WWTR1: variants seen among roughly 807,000 people sequenced by gnomAD.
WWTR1 encodes WW domain-containing transcription regulator protein 1.
A neutral mutation model predicts 40.1 loss-of-function variants in WWTR1; 13 were observed. The observed-to-expected ratio is 0.32, with a 90% CI of 0.21 to 0.52. WWTR1 has a LOEUF of 0.52. Among genes scored for constraint, WWTR1 ranks in the 20% least tolerant of loss-of-function variants. The pLI is 0.97. For synonymous variants in WWTR1, 230 were observed against 210.1 expected (o/e 1.09, Z -0.82); for missense variants, 436 against 523.1 (o/e 0.83, Z 1.63).
intron 1 of WWTR1, among the ~76,000 whole-genome samples, chr3:149,682,599 C>G (rs943315757): frequency 5.3e-5 from 8 of 152,176 alleles, no homozygotes; most frequent in Non-Finnish European, 1.2e-4. Context: ...ATTCAACATA[C>G]AATATCGAAT....
intron 3 of WWTR1, among the ~76,000 whole-genome samples, chr3:149,553,225 C>T (rs1736685357): frequency 6.6e-6 from 1 of 152,206 alleles, no homozygotes; most frequent in Non-Finnish European, 1.5e-5. Context: ...AATACTACAG[C>T]TGGCATCAGC....
At chr3:149,566,536 G>T (rs750036124) in intron 3 of WWTR1, among the ~76,000 whole-genome samples, 6 of 152,008 alleles carry the variant, frequency 3.9e-5, no homozygotes, top group Non-Finnish European at 7.4e-5. Context: ...TGTGTCTGCC[G>T]TGAACTCACC....
intron 2 of WWTR1, among the ~76,000 whole-genome samples, chr3:149,655,888 T>C (rs762695006): frequency 6.6e-6 from 1 of 152,192 alleles, no homozygotes; most frequent in Non-Finnish European, 1.5e-5. Context: ...TAAAGAAATA[T>C]GGGCTTTAAA....
intron 5 of WWTR1, among the ~76,000 whole-genome samples, chr3:149,713,411 C>T (rs555407849): frequency 6.6e-6 from 1 of 151,812 alleles, no homozygotes; most frequent in African/African-American, 2.4e-5. Context: ...GACGGCGTCT[C>T]GCTCTGTTGC....
chr3:149,648,036 T>C (rs1034765433), intron 2 of WWTR1, among the ~76,000 whole-genome samples: 1 of 152,154 alleles, frequency 6.6e-6, no homozygotes, highest in Non-Finnish European at 1.5e-5. Flanking sequence ...TCTCTTCCCA[T>C]CCTGTTTTTC....
chr3:149,572,806 A>G, intron 3 of WWTR1, 58 bp downstream of exon 3: 11 of 1,577,776 alleles, frequency 7.0e-6, no homozygotes, highest in Non-Finnish European at 9.5e-6. Flanking sequence ...ACAAAGGGAG[A>G]CCCCAACTCT....
chr3:149,574,662 A>C (rs1342271911), intron 2 of WWTR1, among the ~76,000 whole-genome samples: 1 of 152,110 alleles, frequency 6.6e-6, no homozygotes, highest in Non-Finnish European at 1.5e-5. Flanking sequence ...CCTCATTTTT[A>C]AATGCTTCCT....
At chr3:149,716,934 T>C (rs1715618753) in intron 5 of WWTR1, among the ~76,000 whole-genome samples, 1 of 152,154 alleles carries the variant, frequency 6.6e-6, no homozygotes. Flanking sequence ...CCTTGCACTT[T>C]GGGAAGCTGA....
At chr3:149,558,166 T>C (rs1394095702) in intron 3 of WWTR1, among the ~76,000 whole-genome samples, 3 of 152,126 alleles carry the variant, frequency 2.0e-5, no homozygotes, top group African/African-American at 4.8e-5. Context: ...GCAGTACACC[T>C]GCCAGTCTAG....
intron 3 of WWTR1, among the ~76,000 whole-genome samples, chr3:149,566,436 C>T (rs947431875): frequency 6.6e-6 from 1 of 151,946 alleles, no homozygotes; most frequent in Non-Finnish European, 1.5e-5. Flanking sequence ...GTGTATGTGC[C>T]GGTGCACTTT....
chr3:149,575,322 A>T (rs530686951), intron 2 of WWTR1, among the ~76,000 whole-genome samples: 6 of 152,310 alleles, frequency 3.9e-5, no homozygotes, highest in African/African-American at 1.4e-4. Flanking sequence ...ATTGATGAGG[A>T]TGTCAAAATT....
intron 4 of WWTR1, chr3:149,541,000 A>G (rs1010874397): frequency 4.4e-6 from 2 of 455,164 alleles, no homozygotes; most frequent in African/African-American, 2.0e-5. Context: ...GTAGCTTTAA[A>G]AAAACAGCAT....
intron 3 of WWTR1, among the ~76,000 whole-genome samples, chr3:149,547,777 C>T (rs1736431776): frequency 6.6e-6 from 1 of 151,430 alleles, no homozygotes; most frequent in Non-Finnish European, 1.5e-5. Context: ...AATTTAGATT[C>T]CCATTTATCT....
chr3:149,534,076 A>G (rs1407377434), intron 4 of WWTR1, among the ~76,000 whole-genome samples: 1 of 152,214 alleles, frequency 6.6e-6, no homozygotes, highest in African/African-American at 2.4e-5. Flanking sequence ...AGGCTGAGGC[A>G]GGAGAATTGC....
rs1245739216 is a variant in WWTR1, at chr3:149,688,711, ACCTAACT to A, written c.-108+14406_-108+14412del. Among the ~76,000 whole-genome samples the A allele has an allele frequency of 3.3e-5, 5 of 152,282 alleles. No individual in the cohort carries two copies. In the East Asian group the frequency reaches 7.7e-4, roughly 24 times the overall value. On this transcript the variant is annotated intron_variant, in intron 1 of 7. Transcript: ENST00000465804. The stretch of plus-strand genomic sequence containing the variant: ...CCACATTGTGAAGATTAGAATAAAT[ACCTAACT>A]CCTCAGTACCCAGACATTGATGAAT...
intron 3 of WWTR1, among the ~76,000 whole-genome samples, chr3:149,546,181 A>C (rs1318180987): frequency 6.6e-6 from 1 of 152,192 alleles, no homozygotes; most frequent in African/African-American, 2.4e-5. Flanking sequence ...CATTTAATTT[A>C]GATTTGATCT....
At chr3:149,681,607 G>T (rs922599047) in intron 1 of WWTR1, among the ~76,000 whole-genome samples, 1 of 152,104 alleles carries the variant, frequency 6.6e-6, no homozygotes, top group Non-Finnish European at 1.5e-5. Flanking sequence ...GGATCTCAAA[G>T]AAATATTTGC....
At chr3:149,657,718 G>C (rs1304616171) in intron 1 of WWTR1, 47 bp downstream of exon 1, 1 of 174,936 alleles carries the variant, frequency 5.7e-6, no homozygotes, top group Admixed American at 5.9e-5. Flanking sequence ...GGAGCCTGGA[G>C]CCCTGGAGTG....
intron 3 of WWTR1, among the ~76,000 whole-genome samples, chr3:149,572,070 G>C (rs1737658563): frequency 6.6e-6 from 1 of 152,042 alleles, no homozygotes; most frequent in Admixed American, 6.6e-5. Flanking sequence ...CGGCAGGTAT[G>C]GGGAGAAGCC....
Sources: gnomAD v4.1 joint callset for allele counts (sites outside exome capture counted in the v4.1 genomes callset) on GRCh38, gnomAD v4.1.1 for gene constraint, MANE v1.5 for transcripts, NCBI Gene and HGNC (gene_info 2026-07-23, HGNC 2026-07-21) for gene names.